LMF1: variants seen among roughly 807,000 people sequenced by gnomAD.
LMF1 encodes the protein transmembrane protein 112.
A neutral mutation model predicts 60.6 loss-of-function variants in LMF1; 68 were observed. That is an observed-to-expected ratio of 1.12 (90% CI 0.92 to 1.37). The LOEUF is 1.37. Ranked by LOEUF, LMF1 falls within the 40% of genes most tolerant of loss-of-function variation. The probability of loss-of-function intolerance (pLI) is 0.00; values close to 1 mark genes in which losing one functional copy is unlikely to be tolerated. For missense variants in LMF1, 948 were observed against 767.2 expected (o/e 1.24, Z -2.78); for synonymous variants, 418 against 324.7 (o/e 1.29, Z -3.09).
rs776840941 is a variant in LMF1 at position 870,901 on chromosome 16, C to A, written c.1079-19G>T. The stretch of plus-strand genomic sequence containing the variant: ...ACGGAGCCTGGCAGGGGAGTGACAT[C>A]TTCCAGGTGGGGCTCCCAGCTGCCC... On this transcript the variant is annotated intron_variant, in intron 7 of 10. Coordinates refer to ENST00000262301, the MANE Select transcript of LMF1 (RefSeq NM_022773.4). The A allele has an allele frequency of 6.3e-6, 10 of 1,592,596 alleles. No homozygotes were observed. Among genetic ancestry groups the A allele is most frequent in the Non-Finnish European group, 8.5e-6 (10 of 1,173,376 alleles).
At chr16:875,792 G>A (rs571650547) in intron 6 of LMF1, among the ~76,000 whole-genome samples, 4 of 152,154 alleles carry the variant, frequency 2.6e-5, no homozygotes, top group Non-Finnish European at 4.4e-5. Context: ...GTTCTCCACC[G>A]GCAGGGGCAG....
chr16:938,936 C>T (rs954136815), intron 2 of LMF1, among the ~76,000 whole-genome samples: 2 of 152,192 alleles, frequency 1.3e-5, no homozygotes, highest in Admixed American at 1.3e-4. Context: ...GACGGGCAGA[C>T]TGGACACAAG....
At chr16:937,467 G>A (rs1056477260) in intron 2 of LMF1, among the ~76,000 whole-genome samples, 1 of 152,156 alleles carries the variant, frequency 6.6e-6, no homozygotes, top group Admixed American at 6.5e-5. Flanking sequence ...ACACCTGACT[G>A]ACAGGCCGCT....
In LMF1 at chr16:874,071, G is replaced by T. The variant is rs947932604; in HGVS notation, c.898-2730C>A. On this transcript the variant is annotated intron_variant, in intron 6 of 10. Transcript: ENST00000262301. This position sits in a 1 kb window ranked among gnomAD's most constrained non-coding sequence, Gnocchi z 4.1. ...TGTGAGGGTCTCCTTTGCCGGGTGT[G>T]GGGGGGGTATGGGAAGTTCTGGAAC... 3.3e-5 allele frequency among the ~76,000 whole-genome samples: 5 copies of T among 151,720 alleles called. No individual in the cohort carries two copies. The highest frequency in any genetic ancestry group is 6.6e-5 in the Admixed American group (1 of 15,164).
intron 4 of LMF1, among the ~76,000 whole-genome samples, chr16:905,503 C>T (rs1383870000): frequency 6.6e-6 from 1 of 152,204 alleles, no homozygotes; most frequent in Non-Finnish European, 1.5e-5. Context: ...TCAGCATTTC[C>T]CTAATAGCCA....
chr16:912,842 T>C (rs1338053635), intron 3 of LMF1, among the ~76,000 whole-genome samples: 3 of 152,234 alleles, frequency 2.0e-5, no homozygotes, highest in Non-Finnish European at 4.4e-5. Context: ...GGGCTGCCAT[T>C]GTTCTCCGCC....
intron 2 of LMF1, chr16:947,783 C>G (rs1274245007): frequency 2.8e-6 from 1 of 352,692 alleles, no homozygotes; most frequent in Non-Finnish European, 5.6e-6. Context: ...GAGCCAACGA[C>G]AGAGTCAGCC....
chr16:869,210 C>T (rs952612172), intron 9 of LMF1, 154 bp from the exon 10 acceptor site: 19 of 678,504 alleles, frequency 2.8e-5, no homozygotes, highest in Non-Finnish European at 4.8e-5. Context: ...CTGGGGTCCC[C>T]TTAAGGGGCT....
chr16:909,435 C>T (rs897630857), intron 4 of LMF1, among the ~76,000 whole-genome samples: 21 of 152,134 alleles, frequency 1.4e-4, no homozygotes, highest in African/African-American at 5.1e-4. Context: ...AGCCACGCCA[C>T]ACAGAACCAC....
intron 2 of LMF1, among the ~76,000 whole-genome samples, chr16:950,904 G>A (rs1385421311): frequency 6.7e-6 from 1 of 149,234 alleles, no homozygotes; most frequent in African/African-American, 2.5e-5. Flanking sequence ...CAGAGTCAGA[G>A]CCAACGACAG....
In LMF1 at chr16:879,769, G is replaced by A. The variant is rs1169407925; in HGVS notation, c.730-32C>T. The A allele has an allele frequency of 7.1e-6, 11 of 1,550,098 alleles. No individual in the cohort carries two copies. In the South Asian group the frequency reaches 1.3e-4, roughly 18 times the overall value. ...GGACAGGAGGGGCCGTGAGGTGCCT[G>A]GCCGATCTCGGGGGGCGGGGCTAGG... On this transcript the variant is annotated intron_variant, in intron 5 of 10. Transcript: ENST00000262301.
intron 10 of LMF1, among the ~76,000 whole-genome samples, chr16:865,988 C>A (rs192066380): frequency 2.0e-5 from 3 of 152,096 alleles, no homozygotes; most frequent in African/African-American, 7.2e-5. Context: ...TTTAAAAAAC[C>A]GATTTCTTTG....
At chr16:969,354 G>A (rs1057467637) in intron 1 of LMF1, among the ~76,000 whole-genome samples, 1 of 151,888 alleles carries the variant, frequency 6.6e-6, no homozygotes, top group African/African-American at 2.4e-5. Flanking sequence ...TTGCTTTAAA[G>A]AAAGAGAGAG....
chr16:856,725 C>T (rs1013925201), intron 10 of LMF1, among the ~76,000 whole-genome samples: 12 of 152,242 alleles, frequency 7.9e-5, no homozygotes, highest in Admixed American at 1.3e-4. Context: ...CAGGCCCCAG[C>T]GGCCTGAAGG....
intron 1 of LMF1, chr16:979,988 C>A: frequency 2.9e-6 from 1 of 342,046 alleles, no homozygotes; most frequent in Admixed American, 3.8e-5. Context: ...TGTGGGTCTT[C>A]CCAGGCAGGT....
Position 871,148 on chromosome 16 carries a change from C to G in LMF1, c.1078+13G>C, listed in dbSNP as rs759799165. On this transcript the variant is annotated intron_variant, in intron 7 of 10. Coordinates refer to ENST00000262301, the MANE Select transcript of LMF1 (RefSeq NM_022773.4). ...CCTGCCCTTGGGCAGGGGCCCCCAG[C>G]TGAGCCACCTACCGAATCTGGGCTC... The G allele has an allele frequency of 1.3e-6, 2 of 1,565,568 alleles. No individual in the cohort carries two copies. Among genetic ancestry groups the G allele is most frequent in the South Asian group, 2.4e-5 (2 of 84,338 alleles).
chr16:945,699 T>C (rs1229294890), intron 2 of LMF1, among the ~76,000 whole-genome samples: 2 of 152,142 alleles, frequency 1.3e-5, no homozygotes, highest in African/African-American at 4.8e-5. Flanking sequence ...TTTGGAGAAG[T>C]AGAAGGCATT....
intron 10 of LMF1, among the ~76,000 whole-genome samples, chr16:860,615 A>G (rs2069433540): frequency 6.6e-6 from 1 of 152,088 alleles, no homozygotes; most frequent in South Asian, 2.1e-4. Flanking sequence ...TGCTGGGATT[A>G]CAGATGTGGG....
At chr16:976,873 C>G (rs1379011899) in intron 1 of LMF1, 1 of 454,130 alleles carries the variant, frequency 2.2e-6, no homozygotes, top group South Asian at 1.6e-5. Context: ...GCAGGGGTCC[C>G]CAGCGGTCAG....
Sources: allele counts gnomAD v4.1 joint callset (sites outside exome capture counted in the v4.1 genomes callset), GRCh38; gene constraint gnomAD v4.1.1; non-coding constraint Gnocchi (gnomAD v3.1); transcripts MANE v1.5; gene names NCBI Gene and HGNC (gene_info 2026-07-23, HGNC 2026-07-21).